The following NRG1 variants were observed in gnomAD, a reference collection of about 807,000 sequenced individuals.
NRG1 encodes the protein neuregulin 1.
NRG1 carries 18 observed loss-of-function variants against 63.8 expected under a neutral mutation model. The observed-to-expected ratio is 0.28, with a 90% CI of 0.19 to 0.42. NRG1 has a LOEUF of 0.42. Ranked by LOEUF, NRG1 falls within the 10% of genes least tolerant of loss-of-function variation. The pLI is 1.00. For synonymous variants in NRG1, 302 were observed against 301.3 expected (o/e 1.00, Z -0.02); for missense variants, 762 against 814.7 (o/e 0.94, Z 0.79).
At chr8:32,274,301 C>T (rs796595188) in intron 1 of NRG1, among the ~76,000 whole-genome samples, 7 of 152,306 alleles carry the variant, frequency 4.6e-5, no homozygotes, top group African/African-American at 1.4e-4. Flanking sequence ...TGCAACTTTC[C>T]CTTGTGGCTG....
At chr8:32,354,224 C>A (rs1806042376) in intron 1 of NRG1, among the ~76,000 whole-genome samples, 1 of 152,038 alleles carries the variant, frequency 6.6e-6, no homozygotes, top group Non-Finnish European at 1.5e-5. Context: ...CAAAAATTAG[C>A]CAGGCGTGGT....
chr8:31,904,237 ATGCTGCTTTG>A (rs1001822402), intron 1 of NRG1, among the ~76,000 whole-genome samples: 30 of 152,172 alleles, frequency 2.0e-4, no homozygotes, highest in African/African-American at 6.8e-4. Flanking sequence ...GTCAATCCAT[ATGCTGCTTTG>A]TCCCACCAAG....
At chr8:32,637,495 C>T (rs985820063) in intron 5 of NRG1, among the ~76,000 whole-genome samples, 1 of 152,100 alleles carries the variant, frequency 6.6e-6, no homozygotes, top group Non-Finnish European at 1.5e-5. Flanking sequence ...TTCCCCTGTC[C>T]CAGGCTTTTA....
At chr8:32,128,943 CT>C (rs1292973976) in intron 1 of NRG1, among the ~76,000 whole-genome samples, 3 of 151,896 alleles carry the variant, frequency 2.0e-5, no homozygotes, top group Non-Finnish European at 1.5e-5. Flanking sequence ...TCCCCCATTC[CT>C]TTCTAGGCTA....
At chr8:31,824,446 A>G (rs1322913886) in intron 1 of NRG1, among the ~76,000 whole-genome samples, 1 of 152,118 alleles carries the variant, frequency 6.6e-6, no homozygotes, top group African/African-American at 2.4e-5. Context: ...ACATACTGAA[A>G]ATAGCTTTGA....
At chr8:32,543,445 T>C (rs868617283), upstream of NRG1, among the ~76,000 whole-genome samples, 6 of 152,092 alleles carry the variant, frequency 3.9e-5, no homozygotes, top group Non-Finnish European at 4.4e-5. Flanking sequence ...TTGTGTGGGA[T>C]GGTATTCTTC....
chr8:31,717,412 T>TA (rs34835652), intron 1 of NRG1, among the ~76,000 whole-genome samples: 4 of 126,322 alleles, frequency 3.2e-5, no homozygotes, highest in African/African-American at 8.9e-5. Flanking sequence ...ATCTCGACAT[T>TA]AAAAAAAAAA....
chr8:31,877,559 C>T (rs901628125), intron 1 of NRG1, among the ~76,000 whole-genome samples: 2 of 151,160 alleles, frequency 1.3e-5, no homozygotes, highest in Non-Finnish European at 2.9e-5. Flanking sequence ...ATTTTAATGC[C>T]CACTCTATTG....
rs575259895 is a variant in NRG1, at chr8:32,730,896, A to G, written c.632+2818A>G. Among the ~76,000 whole-genome samples the G allele has an allele frequency of 6.6e-5, 10 of 152,320 alleles. No homozygotes were observed. The South Asian group carries it at 1.9e-3, about 28-fold the overall frequency. On this transcript the variant is annotated intron_variant, in intron 6 of 11. Coordinates refer to ENST00000356819, the Ensembl canonical transcript of NRG1. ...ATCTCCTTGAAAAAGCATTTAAATT[A>G]TAGGTCCTTAAATTCTTCTCCTTTT...
chr8:31,801,887 C>T (rs1821827540), intron 1 of NRG1, among the ~76,000 whole-genome samples: 1 of 152,140 alleles, frequency 6.6e-6, no homozygotes, highest in Admixed American at 6.6e-5. Flanking sequence ...GGCTCAAGTT[C>T]TACACTAGAT....
rs755372317 is a variant in NRG1, at chr8:31,640,591, A to G, written c.37+1160A>G. ...CTCCTGCGGGAGGCTCAAGGAGGACAGCAGGTACATCTTCTTCATGGAGCC... is the reference window on the plus strand; with the variant it reads ...CTCCTGCGGGAGGCTCAAGGAGGACGGCAGGTACATCTTCTTCATGGAGCC... On this transcript the variant is annotated intron_variant, in intron 1 of 10. Coordinates refer to the NRG1 transcript ENST00000519301. The surrounding 1 kb of genome is among the most constrained non-coding windows in gnomAD (Gnocchi z 6.3). 10 of 1,612,206 alleles carry G rather than the reference A, an allele frequency of 6.2e-6. No individual in the cohort carries two copies. The highest frequency in any genetic ancestry group is 5.1e-6 in the Non-Finnish European group (6 of 1,179,598).
chr8:31,670,756 A>C (rs1807050358), intron 1 of NRG1, among the ~76,000 whole-genome samples: 1 of 152,016 alleles, frequency 6.6e-6, no homozygotes, highest in Non-Finnish European at 1.5e-5. Flanking sequence ...CAAGAGAACC[A>C]GGGCCTTATA....
intron 1 of NRG1, among the ~76,000 whole-genome samples, chr8:32,443,839 G>GAAA (rs11390507): frequency 3.3e-5 from 5 of 151,824 alleles, no homozygotes; most frequent in African/African-American, 4.8e-5. Flanking sequence ...CTTAAAGAGA[G>GAAA]AAAAAAAATG....
intron 1 of NRG1, among the ~76,000 whole-genome samples, chr8:31,960,200 A>G (rs1370509763): frequency 3.3e-5 from 5 of 152,200 alleles, no homozygotes; most frequent in East Asian, 1.9e-4. Flanking sequence ...GAAGAAATCT[A>G]TATTGCTGTG....
intron 1 of NRG1, among the ~76,000 whole-genome samples, chr8:31,902,616 TGAA>T (rs1832177773): frequency 6.6e-6 from 1 of 152,190 alleles, no homozygotes; most frequent in African/African-American, 2.4e-5. Flanking sequence ...AAAAGTCATT[TGAA>T]GAAGAAACGT....
chr8:31,895,522 G>A (rs1291642714), intron 1 of NRG1, among the ~76,000 whole-genome samples: 2 of 152,194 alleles, frequency 1.3e-5, no homozygotes, highest in Non-Finnish European at 2.9e-5. Context: ...TAATCGGAAG[G>A]CTTTCTCTTA....
Position 32,233,563 on chromosome 8 carries a change from A to ATATATATATT in NRG1, c.38-362264_38-362263insATATATATTT, listed in dbSNP as rs34593729. Among the ~76,000 whole-genome samples the ATATATATATT allele has an allele frequency of 7.3e-3, 487 of 67,044 alleles. 7 individuals carry two copies. Among genetic ancestry groups the ATATATATATT allele is most frequent in the Admixed American group, 0.014 (65 of 4,520 alleles). 44.0% of individuals were successfully genotyped at this position (67,044 alleles called of 152,430 possible). The stretch of plus-strand genomic sequence containing the variant: ...TATATATATATATATATATATATAT[A>ATATATATATT]TTTTTTTTTTTTTTTCTTTTGAAAC... On this transcript the variant is annotated intron_variant, in intron 1 of 10. Coordinates refer to the NRG1 transcript ENST00000519301.
At chr8:32,259,572 G>A (rs1407091142) in intron 1 of NRG1, among the ~76,000 whole-genome samples, 2 of 152,122 alleles carry the variant, frequency 1.3e-5, no homozygotes, top group African/African-American at 2.4e-5. Flanking sequence ...TTCTGTTATA[G>A]CAGCAGAAAA....
At position 32,609,568 on chromosome 8, in the gene NRG1, T is replaced by C. The variant is rs867867648; in HGVS notation, c.400+3885T>C. 4.7e-3 allele frequency among the ~76,000 whole-genome samples: 499 copies of C among 106,582 alleles called. 6 individuals are homozygous for C. The highest frequency in any genetic ancestry group is 0.021 in the African/African-American group (458 of 21,378). The allele number at this position is 106,582 out of a possible 152,430, so 69.9% of individuals were successfully genotyped here. A position where few individuals can be genotyped will look rare whatever the true frequency, so the allele number is the denominator to read the frequency against. Reference sequence around the variant, plus strand: ...CTTCCCTCCCTCCTTCCTTCCTTCCTTCCTTCCTTCCTTCCTTCCTTCCTT... The same window carrying C: ...CTTCCCTCCCTCCTTCCTTCCTTCCCTCCTTCCTTCCTTCCTTCCTTCCTT... On this transcript the variant is annotated intron_variant, in intron 3 of 11. Coordinates refer to ENST00000356819, the Ensembl canonical transcript of NRG1.
Sources: allele counts gnomAD v4.1 joint callset (sites outside exome capture counted in the v4.1 genomes callset), GRCh38; gene constraint gnomAD v4.1.1; non-coding constraint Gnocchi (gnomAD v3.1); transcripts MANE v1.5; gene names NCBI Gene and HGNC (gene_info 2026-07-23, HGNC 2026-07-21).